DGKI: variants seen among roughly 807,000 people sequenced by gnomAD.
DGKI encodes the protein DAG kinase iota.
In DGKI, 55 loss-of-function variants were observed where a neutral mutation model predicts 147.5. That is an observed-to-expected ratio of 0.37 (90% confidence interval 0.30 to 0.47). DGKI has a LOEUF of 0.47. Among genes scored for constraint, DGKI ranks in the 20% least tolerant of loss-of-function variants. DGKI has a pLI of 1.00. For synonymous variants in DGKI, 469 were observed against 477.1 expected, an observed-to-expected ratio of 0.98 and a Z score of 0.22; for missense variants, 1,007 against 1,323.8, an observed-to-expected ratio of 0.76 and a Z score of 3.71.
chr7:137,823,516 TAGGA>T (rs1184332237), intron 1 of DGKI, among the ~76,000 whole-genome samples: 1 of 152,024 alleles, frequency 6.6e-6, no homozygotes, highest in South Asian at 2.1e-4. Context: ...CATCTAAAAA[TAGGA>T]AGAGAGTTCC....
intron 20 of DGKI, among the ~76,000 whole-genome samples, chr7:137,546,897 A>C (rs767026958): frequency 6.6e-5 from 10 of 152,214 alleles, no homozygotes; most frequent in Non-Finnish European, 1.2e-4. Flanking sequence ...TCCAAACAAT[A>C]ATAGTTCTCA....
intron 20 of DGKI, among the ~76,000 whole-genome samples, chr7:137,543,090 T>A (rs1306800266): frequency 6.6e-6 from 1 of 152,168 alleles, no homozygotes; most frequent in East Asian, 1.9e-4. Flanking sequence ...CTAAGAGAGT[T>A]CTAGAAAGAC....
At chr7:137,522,306 A>T (rs1454009353) in intron 20 of DGKI, among the ~76,000 whole-genome samples, 1 of 152,086 alleles carries the variant, frequency 6.6e-6, no homozygotes, top group African/African-American at 2.4e-5. Flanking sequence ...AAATAGTGGG[A>T]GGTGGAGTGG....
rs139162490 is a variant in DGKI, at chr7:137,789,742, G to A, written c.401+56720C>T. Among the ~76,000 whole-genome samples the A allele has an allele frequency of 9.9e-5, 15 of 152,256 alleles. No individual in the cohort carries two copies. In the East Asian group the frequency reaches 2.3e-3, roughly 24 times the overall value. On this transcript the variant is annotated intron_variant, in intron 1 of 32. Coordinates refer to ENST00000614521, the MANE Select transcript of DGKI (RefSeq NM_001321708.2). ...ACGGAGAAGCGCAATTCTGTATTTT[G>A]ATACACAAGCAACATTCCTATCAGA...
chr7:137,513,915 G>A (rs1816663423), intron 21 of DGKI: 2 of 764,218 alleles, frequency 2.6e-6, no homozygotes, highest in Non-Finnish European at 4.5e-6. Flanking sequence ...AAAGAAGAAA[G>A]ATGAGGCAGA....
At chr7:137,504,722 T>C (rs191006252) in intron 21 of DGKI, among the ~76,000 whole-genome samples, 7 of 152,092 alleles carry the variant, frequency 4.6e-5, no homozygotes, top group Admixed American at 2.0e-4. Context: ...AACCTATGCA[T>C]AGTATTAAGA....
intron 1 of DGKI, among the ~76,000 whole-genome samples, chr7:137,750,855 T>C (rs1795471600): frequency 6.6e-6 from 1 of 152,182 alleles, no homozygotes; most frequent in African/African-American, 2.4e-5. Context: ...ATTCTCCACA[T>C]CCACAGAGAA....
chr7:137,756,101 A>G (rs1270657727), intron 1 of DGKI, among the ~76,000 whole-genome samples: 1 of 152,206 alleles, frequency 6.6e-6, no homozygotes, highest in Non-Finnish European at 1.5e-5. Flanking sequence ...TGAGAATGCA[A>G]CAGAAGCCCC....
At chr7:137,399,421 C>T (rs1811667967) in intron 30 of DGKI, among the ~76,000 whole-genome samples, 1 of 152,108 alleles carries the variant, frequency 6.6e-6, no homozygotes, top group African/African-American at 2.4e-5. Context: ...CTTATCCTCC[C>T]ACACACATAC....
intron 24 of DGKI, among the ~76,000 whole-genome samples, chr7:137,468,525 T>C (rs574898302): frequency 2.9e-4 from 44 of 152,340 alleles, no homozygotes; most frequent in Middle Eastern, 6.8e-3. Context: ...AGGCAGCTGA[T>C]GAGACATTAA....
chr7:137,586,597 G>A (rs1819407816), intron 13 of DGKI, among the ~76,000 whole-genome samples: 1 of 152,036 alleles, frequency 6.6e-6, no homozygotes, highest in Non-Finnish European at 1.5e-5. Context: ...CTTGCCTGAA[G>A]TTGGCTTCAT....
chr7:137,497,564 G>A (rs1366963920), intron 21 of DGKI, among the ~76,000 whole-genome samples: 1 of 151,922 alleles, frequency 6.6e-6, no homozygotes, highest in Non-Finnish European at 1.5e-5. Flanking sequence ...GGGTAGAGAG[G>A]ATAAAGAAAA....
intron 6 of DGKI, among the ~76,000 whole-genome samples, chr7:137,634,468 C>T (rs11982810): frequency 0.16 from 23,643 of 152,236 alleles, 5,532 homozygotes; most frequent in African/African-American, 0.51. Flanking sequence ...TGGCAGGTTA[C>T]TGTACTCTGG....
At chr7:137,670,932 G>A (rs371681006) in intron 3 of DGKI, among the ~76,000 whole-genome samples, 20 of 152,328 alleles carry the variant, frequency 1.3e-4, no homozygotes, top group African/African-American at 4.6e-4. Context: ...TTACACACCA[G>A]CTAGACCTGA....
chr7:137,475,660 C>G (rs1016827507), intron 23 of DGKI, among the ~76,000 whole-genome samples: 1 of 152,100 alleles, frequency 6.6e-6, no homozygotes, highest in Non-Finnish European at 1.5e-5. Flanking sequence ...TCACAAAAAA[C>G]GAAGCATGGA....
intron 1 of DGKI, among the ~76,000 whole-genome samples, chr7:137,793,258 C>A (rs1212120761): frequency 1.3e-5 from 2 of 151,878 alleles, no homozygotes; most frequent in Non-Finnish European, 2.9e-5. Flanking sequence ...TCTACCTGAC[C>A]CATTCTCTTC....
chr7:137,828,869 A>T (rs1798140027), intron 1 of DGKI, among the ~76,000 whole-genome samples: 1 of 152,206 alleles, frequency 6.6e-6, no homozygotes, highest in Non-Finnish European at 1.5e-5. Context: ...ATGGGAACTG[A>T]TGTTAAGAAT....
chr7:137,733,782 T>G (rs1302204801), intron 1 of DGKI, among the ~76,000 whole-genome samples: 1 of 152,026 alleles, frequency 6.6e-6, no homozygotes, highest in Non-Finnish European at 1.5e-5. Flanking sequence ...GAGTTAAAAT[T>G]TTAAGAGATT....
intron 1 of DGKI, among the ~76,000 whole-genome samples, chr7:137,746,218 G>A (rs945695869): frequency 1.3e-5 from 2 of 152,092 alleles, no homozygotes; most frequent in East Asian, 3.9e-4. Context: ...GATTGTTCTG[G>A]AGAGACTGTG....
Sources: allele counts gnomAD v4.1 joint callset (sites outside exome capture counted in the v4.1 genomes callset), GRCh38; gene constraint gnomAD v4.1.1; transcripts MANE v1.5; gene names NCBI Gene and HGNC (gene_info 2026-07-23, HGNC 2026-07-21).